Variants in TTC1 observed in about 807,000 individuals in gnomAD.
The protein encoded by TTC1 is tetratricopeptide repeat protein 1.
Under a neutral mutation model 37.6 loss-of-function variants are expected in TTC1, and 31 were observed. The ratio of observed to expected loss-of-function variants is 0.82; its 90% CI spans 0.62 to 1.11. The LOEUF (loss-of-function observed/expected upper bound fraction) is 1.11. Among genes scored for constraint, TTC1 ranks in the 50% most tolerant of loss-of-function variants. The pLI, the probability that TTC1 is intolerant of heterozygous loss-of-function variation, is 0.00. For missense variants in TTC1, 351 were observed against 339.0 expected, an observed-to-expected ratio of 1.04 and a Z score of -0.28; for synonymous variants, 127 against 122.4, an observed-to-expected ratio of 1.04 and a Z score of -0.25.
intron 2 of TTC1, among the ~76,000 whole-genome samples, chr5:160,024,214 T>C (rs1411243731): frequency 6.6e-6 from 1 of 152,220 alleles, no homozygotes; most frequent in Non-Finnish European, 1.5e-5. Flanking sequence ...TATATTTAGC[T>C]CTTGAAAGAT....
intron 7 of TTC1, among the ~76,000 whole-genome samples, chr5:160,052,684 A>C (rs968437339): frequency 6.6e-6 from 1 of 151,902 alleles, no homozygotes; most frequent in Non-Finnish European, 1.5e-5. Flanking sequence ...AAGCCAGTCC[A>C]GTAAAGGGAC....
intron 2 of TTC1, among the ~76,000 whole-genome samples, chr5:160,012,103 A>G (rs1374424198): frequency 3.9e-5 from 6 of 152,308 alleles, no homozygotes; most frequent in East Asian, 1.9e-4. Flanking sequence ...AAAATTAACT[A>G]CTGTTCCATA....
intron 7 of TTC1, among the ~76,000 whole-genome samples, chr5:160,059,281 A>G (rs542907320): frequency 1.3e-5 from 2 of 152,360 alleles, no homozygotes; most frequent in East Asian, 1.9e-4. Flanking sequence ...TGCAGCTTCT[A>G]TGTCAGCCTT....
intron 2 of TTC1, among the ~76,000 whole-genome samples, chr5:160,032,702 CTTTTTTTTTT>C (rs70987990): frequency 6.7e-5 from 5 of 74,684 alleles, no homozygotes; most frequent in Non-Finnish European, 1.0e-4. Context: ...TACCTGCTTT[CTTTTTTTTTT>C]TTTTTTTTTT....
At chr5:160,054,892 A>T (rs1331550226) in intron 7 of TTC1, among the ~76,000 whole-genome samples, 2 of 152,218 alleles carry the variant, frequency 1.3e-5, no homozygotes, top group African/African-American at 4.8e-5. Flanking sequence ...AGTAAAACTG[A>T]CGAGACACTT....
chr5:160,037,779 T>TG (rs1476419179), intron 4 of TTC1, among the ~76,000 whole-genome samples: 15 of 151,160 alleles, frequency 9.9e-5, no homozygotes, highest in Non-Finnish European at 3.0e-5. Flanking sequence ...GAAATGAGAG[T>TG]GGTTTTTTTT....
intron 2 of TTC1, among the ~76,000 whole-genome samples, chr5:160,016,794 A>C (rs1038210720): frequency 6.6e-6 from 1 of 152,200 alleles, no homozygotes; most frequent in African/African-American, 2.4e-5. Flanking sequence ...TACAGGGTCT[A>C]TGTAGTATTA....
At chr5:160,010,257 C>CAAAAAAAAAAAAAAAAAAAAAAAAAAA (rs397882520) in intron 1 of TTC1, among the ~76,000 whole-genome samples, 1 of 50,318 alleles carries the variant, frequency 2.0e-5, no homozygotes, top group Non-Finnish European at 3.9e-5. Context: ...GATTAAGTCT[C>CAAAAAAAAAAAAAAAAAAAAAAAAAAA]AAAAAAAAAA....
At chr5:160,013,541 G>A (rs2113340184) in intron 2 of TTC1, among the ~76,000 whole-genome samples, 1 of 151,852 alleles carries the variant, frequency 6.6e-6, no homozygotes, top group Admixed American at 6.6e-5. Context: ...TCAGGAATTC[G>A]AGACCAGCCT....
chr5:160,065,066 C>G lies in TTC1; in HGVS notation c.*1C>G, dbSNP rs1463151466. The G allele has an allele frequency of 1.2e-6, 2 of 1,608,310 alleles. No individual in the cohort carries two copies. The highest frequency in any genetic ancestry group is 1.7e-6 in the Non-Finnish European group (2 of 1,178,834). On this transcript the variant is annotated 3_prime_UTR_variant, in exon 8 of 8. Transcript: ENST00000231238. Reference sequence around the variant, plus strand: ...TCAAAATCCAAATAATAACAGATAACAAAGATAACAAAAGCTTTACAAGCT... The same window carrying G: ...TCAAAATCCAAATAATAACAGATAAGAAAGATAACAAAAGCTTTACAAGCT...
At chr5:160,031,409 C>G (rs1405573741) in intron 2 of TTC1, among the ~76,000 whole-genome samples, 1 of 151,970 alleles carries the variant, frequency 6.6e-6, no homozygotes, top group African/African-American at 2.4e-5. Context: ...GCCTGGAGTT[C>G]AAGACCAGCC....
At chr5:160,010,257 C>CAAAAAAAAAAAAAAA (rs397882520) in intron 1 of TTC1, among the ~76,000 whole-genome samples, 1 of 50,318 alleles carries the variant, frequency 2.0e-5, no homozygotes, top group Non-Finnish European at 3.9e-5. Context: ...GATTAAGTCT[C>CAAAAAAAAAAAAAAA]AAAAAAAAAA....
intron 4 of TTC1, among the ~76,000 whole-genome samples, chr5:160,038,715 T>A (rs1475442352): frequency 6.9e-6 from 1 of 145,652 alleles, no homozygotes; most frequent in Admixed American, 7.5e-5. Context: ...TAGGCTGGAG[T>A]GCAGTGGTGT....
intron 7 of TTC1, among the ~76,000 whole-genome samples, chr5:160,060,884 C>G (rs745921777): frequency 1.3e-5 from 2 of 152,216 alleles, no homozygotes; most frequent in African/African-American, 4.8e-5. Flanking sequence ...AGCCCATCTA[C>G]CCAAGCATTG....
At chr5:160,044,014 C>A (rs1189727927) in intron 5 of TTC1, among the ~76,000 whole-genome samples, 1 of 152,178 alleles carries the variant, frequency 6.6e-6, no homozygotes, top group East Asian at 1.9e-4. Flanking sequence ...ATAGGCCAGA[C>A]AGGTGCCTTG....
rs866115152 is a variant in TTC1 at position 160,045,489 on chromosome 5, C to T, written c.541+2320C>T. Among the ~76,000 whole-genome samples the T allele has an allele frequency of 7.4e-3, 882 of 119,650 alleles. 6 individuals are homozygous for T. Among genetic ancestry groups the T allele is most frequent in the East Asian group, 0.023 (85 of 3,642 alleles). 78.5% of individuals were successfully genotyped at this position (119,650 alleles called of 152,430 possible). On this transcript the variant is annotated intron_variant, in intron 5 of 7. Coordinates refer to ENST00000231238, the MANE Select transcript of TTC1 (RefSeq NM_003314.3). ...ACACACACACACACACACACACACA[C>T]ACACACACACACACACACACACACA...
chr5:160,025,499 G>A (rs1370820931), intron 2 of TTC1, among the ~76,000 whole-genome samples: 2 of 152,168 alleles, frequency 1.3e-5, no homozygotes, highest in African/African-American at 2.4e-5. Flanking sequence ...ATGACTATAG[G>A]TCAGAGCTCT....
At chr5:160,064,783 G>T (rs1753550211) in intron 7 of TTC1, 149 bp from the exon 8 acceptor site, 1 of 842,388 alleles carries the variant, frequency 1.2e-6, no homozygotes, top group Non-Finnish European at 1.8e-6. Flanking sequence ...AACTCTCCTG[G>T]AAGCTTTCAT....
At chr5:160,028,216 G>A (rs920597491) in intron 2 of TTC1, among the ~76,000 whole-genome samples, 4 of 150,620 alleles carry the variant, frequency 2.7e-5, no homozygotes, top group Non-Finnish European at 4.4e-5. Flanking sequence ...GGAGAATGGC[G>A]TGAACCCGGG....
Sources: gnomAD v4.1 joint callset for allele counts (sites outside exome capture counted in the v4.1 genomes callset) on GRCh38, gnomAD v4.1.1 for gene constraint, MANE v1.5 for transcripts, NCBI Gene and HGNC (gene_info 2026-07-23, HGNC 2026-07-21) for gene names.